Variants in CEP104 observed in about 807,000 individuals in gnomAD.
The protein encoded by CEP104 is centrosomal protein 104.
In CEP104, 84 loss-of-function variants were observed where a neutral mutation model predicts 113.3. That is an observed-to-expected ratio of 0.74 (90% confidence interval 0.62 to 0.89). CEP104 has a LOEUF of 0.89. Ranked by LOEUF, CEP104 falls within the 40% of genes least tolerant of loss-of-function variation. CEP104 has a pLI of 0.00. For synonymous variants in CEP104, 378 were observed against 421.7 expected (o/e 0.90, Z 1.27); for missense variants, 1,053 against 1,156.6 (o/e 0.91, Z 1.30).
At chr1:3,854,830 A>G (rs1644682694) in intron 1 of CEP104, among the ~76,000 whole-genome samples, 1 of 149,880 alleles carries the variant, frequency 6.7e-6, no homozygotes, top group Admixed American at 6.7e-5. Context: ...CCACCTTGAA[A>G]ATACCTCTTG....
At chr1:3,834,074 T>C (rs1287161534) in intron 11 of CEP104, 39 bp from the exon 12 acceptor site, 3 of 1,506,110 alleles carry the variant, frequency 2.0e-6, no homozygotes, top group Non-Finnish European at 2.8e-6. Context: ...GTTACTACGG[T>C]GCAATTCCAC....
chr1:3,830,076 A>G (rs963131447), intron 13 of CEP104, 79 bp from the exon 14 acceptor site: 6 of 1,004,160 alleles, frequency 6.0e-6, no homozygotes, highest in Non-Finnish European at 9.2e-6. Flanking sequence ...GGTACATTAT[A>G]AACATGTGAA....
rs1198211333 is a variant in CEP104 at position 3,823,120 on chromosome 1, C to T, written c.2571+54G>A. 2 of 1,527,398 alleles carry T rather than the reference C, an allele frequency of 1.3e-6. No individual in the cohort carries two copies. Among genetic ancestry groups the T allele is most frequent in the East Asian group, 2.2e-5 (1 of 44,496 alleles). 94.6% of individuals were successfully genotyped at this position (1,527,398 alleles called of 1,614,324 possible). ...GACACCACCACTGTCACCACCACTG[C>T]CATCCACAGGTGTGTCACCTACTTC... On this transcript the variant is annotated intron_variant, in intron 20 of 21. Coordinates refer to ENST00000378230, the MANE Select transcript of CEP104 (RefSeq NM_014704.4). This position sits in a 1 kb window ranked among gnomAD's most constrained non-coding sequence, Gnocchi z 4.1.
intron 7 of CEP104, among the ~76,000 whole-genome samples, chr1:3,839,401 C>T (rs113722586): frequency 0.021 from 3,264 of 152,226 alleles, 57 homozygotes; most frequent in South Asian, 0.052. Flanking sequence ...GACACCTGAA[C>T]GTGAGTCTGA....
chr1:3,844,357 C>T (rs1644467638), intron 6 of CEP104, among the ~76,000 whole-genome samples: 1 of 152,060 alleles, frequency 6.6e-6, no homozygotes, highest in African/African-American at 2.4e-5. Flanking sequence ...TCTGTAATCC[C>T]ATCACTTTGG....
At chr1:3,834,157 G>T in intron 11 of CEP104, 122 bp from the exon 12 acceptor site, 1 of 801,124 alleles carries the variant, frequency 1.2e-6, no homozygotes, top group Non-Finnish European at 2.0e-6. Context: ...TCGTCTGAAA[G>T]GCTGAAAATT....
chr1:3,852,325 G>A lies in CEP104; in HGVS notation c.83C>T (p.Ala28Val), dbSNP rs150169294. ...GFSARELMIH[A>V]PTVSGWRSPR... ...TGACCGCCACCCACTGACAGTTGGC[G>A]CGTGGATCATGAGCTCCCGGGCACT... The change falls in exon 2 of 22, where the codon GCG becomes GTG. Residue 28 changes from alanine (A) to valine (V), a missense_variant. By Grantham distance (64) the Ala-to-Val change is moderately conservative (BLOSUM62 0). Transcript: ENST00000378230. The A allele has an allele frequency of 5.8e-5, 93 of 1,613,936 alleles. No homozygotes were observed. The highest frequency in any genetic ancestry group is 1.1e-4 in the South Asian group (10 of 91,086).
intron 14 of CEP104, 158 bp downstream of exon 14, chr1:3,829,633 A>T: frequency 1.3e-6 from 1 of 790,568 alleles, no homozygotes; most frequent in South Asian, 1.7e-5. Context: ...AGCAGCCGGG[A>T]TCTGAATGCG....
At position 3,852,411 on chromosome 1, in the gene CEP104, G is replaced by A; in HGVS notation, c.-4C>T. 1 of 1,611,262 alleles carries A rather than the reference G, an allele frequency of 6.2e-7. No individual in the cohort carries two copies. Among genetic ancestry groups the A allele is most frequent in the Non-Finnish European group, 8.5e-7 (1 of 1,178,928 alleles). On this transcript the variant is annotated 5_prime_UTR_variant, in exon 2 of 22. Coordinates refer to ENST00000378230, the MANE Select transcript of CEP104 (RefSeq NM_014704.4). ...CAAATCCAATCTTGTGGGGCATTCTGCACGTTTGGGCTGTTTATAAGAGCA... is the reference window on the plus strand; with the variant it reads ...CAAATCCAATCTTGTGGGGCATTCTACACGTTTGGGCTGTTTATAAGAGCA...
chr1:3,816,906 C>T (rs1643889301), intron 20 of CEP104, among the ~76,000 whole-genome samples: 1 of 152,376 alleles, frequency 6.6e-6, no homozygotes, highest in Middle Eastern at 3.4e-3. Context: ...CCTTTACGAC[C>T]AGCTGTGGGA....
intron 2 of CEP104, among the ~76,000 whole-genome samples, chr1:3,850,794 C>T (rs903982016): frequency 2.0e-5 from 3 of 152,220 alleles, no homozygotes; most frequent in African/African-American, 4.8e-5. Flanking sequence ...TCTGAAAGCA[C>T]GTTACTGAAG....
intron 20 of CEP104, 22 bp from the exon 21 acceptor site, chr1:3,816,392 G>A (rs1392664312): frequency 6.5e-7 from 1 of 1,542,236 alleles, no homozygotes; most frequent in Non-Finnish European, 8.8e-7. Context: ...GAGGCACACA[G>A]AGTGTTAATC....
chr1:3,844,463 A>C (rs1419483944), intron 6 of CEP104, among the ~76,000 whole-genome samples: 1 of 152,048 alleles, frequency 6.6e-6, no homozygotes, highest in African/African-American at 2.4e-5. Context: ...GTGCCACTGC[A>C]CTCCAGCCTG....
At chr1:3,849,095 G>A (rs1019666656) in intron 2 of CEP104, among the ~76,000 whole-genome samples, 6 of 152,070 alleles carry the variant, frequency 3.9e-5, no homozygotes, top group Non-Finnish European at 8.8e-5. Flanking sequence ...ATCTTATGAG[G>A]CGGCACTAGT....
chr1:3,851,712 C>G (rs1225911057), intron 2 of CEP104, among the ~76,000 whole-genome samples: 1 of 152,222 alleles, frequency 6.6e-6, no homozygotes, highest in Non-Finnish European at 1.5e-5. Context: ...GAGTGCATGG[C>G]TATCACAGCT....
At chr1:3,831,290 C>A in intron 12 of CEP104, 68 bp from the exon 13 acceptor site, 1 of 1,420,190 alleles carries the variant, frequency 7.0e-7, no homozygotes. Flanking sequence ...TACAATTCAG[C>A]ATGATCTTAA....
chr1:3,834,936 T>C lies in CEP104; in HGVS notation c.1474A>G (p.Ile492Val). The change falls in exon 11 of 22, where the codon ATT (isoleucine) becomes GTT (valine). Residue 492 changes from isoleucine to valine, a missense_variant. Ile to Val is a conservative substitution (Grantham distance 29). Transcript: ENST00000378230. ...CTGAGGGCACTCACGGAGGTCACAA[T>C]GTCCTTTATGGCTCTTCTAACGAGA... is the stretch of plus-strand genomic sequence containing the variant. ...VFLVRRAIKD[I>V]VTSVFQASLK... 2 of 1,592,166 alleles carry C rather than the reference T, an allele frequency of 1.3e-6. No homozygotes were observed. Among genetic ancestry groups the C allele is most frequent in the Middle Eastern group, 3.3e-4 (2 of 6,038 alleles).
In CEP104 at chr1:3,823,289, C is replaced by A; in HGVS notation, c.2504-48G>T. On this transcript the variant is annotated intron_variant, in intron 19 of 21. Transcript: ENST00000378230. This position sits in a 1 kb window ranked among gnomAD's most constrained non-coding sequence, Gnocchi z 4.1. ...CAGTCGCTCCCTGAATGACAGGCGA[C>A]AAGACATGCTGCTGGCCTGCCCGCA... 2 of 1,611,592 alleles carry A rather than the reference C, an allele frequency of 1.2e-6. No individual in the cohort carries two copies.
Position 3,834,012 on chromosome 1 carries a change from C to T in CEP104, c.1509G>A (p.Leu503=), listed in dbSNP as rs1257667651. 1 of 1,613,624 alleles carries T rather than the reference C, an allele frequency of 6.2e-7. No homozygotes were observed. Among genetic ancestry groups the T allele is most frequent in the Non-Finnish European group, 8.5e-7 (1 of 1,179,588 alleles). The part of the protein sequence containing the change: ...VTSVFQASLK[L]LKMIITQYIP... ...TATATTGTGTAATGATCATTTTCAA[C>T]AATTTCAAAGAAGCCTGAAAAACCT... Residue 503 remains leucine (L), a synonymous_variant, in exon 12 of 22, where the codon TTG becomes TTA. Transcript: ENST00000378230.
Sources: gnomAD v4.1 joint callset for allele counts (sites outside exome capture counted in the v4.1 genomes callset) on GRCh38, gnomAD v4.1.1 for gene constraint, Gnocchi (gnomAD v3.1) non-coding constraint, MANE v1.5 for transcripts, NCBI Gene and HGNC (gene_info 2026-07-23, HGNC 2026-07-21) for gene names.